Variants in PAPOLA observed in about 807,000 individuals in gnomAD.
PAPOLA encodes the protein poly(A) polymerase alpha.
A neutral mutation model predicts 100.6 loss-of-function variants in PAPOLA; 15 were observed. The ratio of observed to expected loss-of-function variants is 0.15; its 90% CI spans 0.10 to 0.23. The LOEUF (loss-of-function observed/expected upper bound fraction) is 0.23, where lower values mean the gene tolerates loss of function less well. PAPOLA is among the 10% of genes least tolerant of loss of function. The pLI is 1.00. For missense variants in PAPOLA, 533 were observed against 884.2 expected, an observed-to-expected ratio of 0.60 and a Z score of 5.04; for synonymous variants, 293 against 300.0, an observed-to-expected ratio of 0.98 and a Z score of 0.24.
At chr14:96,557,631 G>A (rs1204012868) in intron 19 of PAPOLA, among the ~76,000 whole-genome samples, 1 of 149,704 alleles carries the variant, frequency 6.7e-6, no homozygotes, top group Admixed American at 6.6e-5. Flanking sequence ...TTTCTTTAGA[G>A]TGGAAAAAAA....
At chr14:96,522,361 T>C (rs931946206) in intron 3 of PAPOLA, among the ~76,000 whole-genome samples, 1 of 151,898 alleles carries the variant, frequency 6.6e-6, no homozygotes, top group African/African-American at 2.4e-5. Context: ...TCAAGTGATC[T>C]GCCCACCTCG....
At chr14:96,526,727 G>A in intron 4 of PAPOLA, 3 of 152,478 alleles carry the variant, frequency 2.0e-5, no homozygotes. Context: ...CCATCACTCT[G>A]TCCCATTAGT....
At chr14:96,534,299 T>C in intron 9 of PAPOLA, 192 bp from the exon 10 acceptor site, 1 of 1,380,298 alleles carries the variant, frequency 7.2e-7, no homozygotes. Context: ...TACCAAATGG[T>C]TTAAGTTCAT....
intron 1 of PAPOLA, among the ~76,000 whole-genome samples, chr14:96,518,425 T>A (rs1334120011): frequency 6.6e-6 from 1 of 151,946 alleles, no homozygotes; most frequent in Non-Finnish European, 1.5e-5. Flanking sequence ...TTTTTTTTTT[T>A]TGAGACGGAG....
chr14:96,513,677 A>C (rs1897250267), intron 1 of PAPOLA, among the ~76,000 whole-genome samples: 1 of 152,136 alleles, frequency 6.6e-6, no homozygotes, highest in Non-Finnish European at 1.5e-5. Context: ...CACATATATT[A>C]AATTTTGTTT....
At position 96,520,048 on chromosome 14, in the gene PAPOLA, T is replaced by C; in HGVS notation, c.9-7T>C. 1 of 1,589,340 alleles carries C rather than the reference T, an allele frequency of 6.3e-7. No homozygotes were observed. The highest frequency in any genetic ancestry group is 8.5e-7 in the Non-Finnish European group (1 of 1,170,038). Reference sequence around the variant, plus strand: ...TTGGCAGTAATTGTATCCAATTTTGTTTATAGTCCAGTTACAACACAGGGA... The same window carrying C: ...TTGGCAGTAATTGTATCCAATTTTGCTTATAGTCCAGTTACAACACAGGGA... On this transcript the variant is annotated splice_region_variant and splice_polypyrimidine_tract_variant and intron_variant, in intron 1 of 21. Coordinates refer to ENST00000216277, the MANE Select transcript of PAPOLA (RefSeq NM_032632.5).
chr14:96,509,965 C>CTTTTTTTTTTTTTTTTTT (rs11372552), intron 1 of PAPOLA, among the ~76,000 whole-genome samples: 1 of 84,428 alleles, frequency 1.2e-5, no homozygotes, highest in African/African-American at 4.6e-5. Flanking sequence ...GTGGGAGTTG[C>CTTTTTTTTTTTTTTTTTT]TTTTTTTTTT....
chr14:96,529,136 T>A (rs756291149), intron 6 of PAPOLA, among the ~76,000 whole-genome samples: 2 of 152,192 alleles, frequency 1.3e-5, no homozygotes, highest in African/African-American at 2.4e-5. Context: ...TTTAGGAACA[T>A]AATATTTTAG....
At chr14:96,522,035 C>CAAGT (rs1438476418) in intron 3 of PAPOLA, among the ~76,000 whole-genome samples, 1 of 151,392 alleles carries the variant, frequency 6.6e-6, no homozygotes, top group Non-Finnish European at 1.5e-5. Flanking sequence ...CTCCTGACCT[C>CAAGT]AAGTGATCCA....
At chr14:96,506,974 C>T (rs965955338) in intron 1 of PAPOLA, among the ~76,000 whole-genome samples, 4 of 152,100 alleles carry the variant, frequency 2.6e-5, no homozygotes, top group Non-Finnish European at 1.5e-5. Flanking sequence ...ACTAAATACT[C>T]CTCTTTTCCA....
intron 1 of PAPOLA, among the ~76,000 whole-genome samples, chr14:96,513,971 A>G (rs1266352780): frequency 6.6e-6 from 1 of 151,946 alleles, no homozygotes; most frequent in East Asian, 1.9e-4. Flanking sequence ...CAGTGCCTTT[A>G]TGCTTTTTAA....
chr14:96,527,087 G>A (rs927322018), intron 4 of PAPOLA: 2 of 207,568 alleles, frequency 9.6e-6, no homozygotes, highest in African/African-American at 2.3e-5. Context: ...AACTATTTTT[G>A]TTTTACCAAT....
chr14:96,524,489 G>T (rs12586789), intron 3 of PAPOLA, among the ~76,000 whole-genome samples: 17,019 of 150,276 alleles, frequency 0.11, 1,044 homozygotes, highest in South Asian at 0.17. Context: ...TCCCCTTCCC[G>T]TTCCCCTTCC....
At chr14:96,507,402 C>T (rs1249369243) in intron 1 of PAPOLA, among the ~76,000 whole-genome samples, 4 of 148,026 alleles carry the variant, frequency 2.7e-5, no homozygotes, top group African/African-American at 1.0e-4. Context: ...ATTCTCCTGC[C>T]TCAGCCTCCC....
At chr14:96,515,403 ACT>A (rs1255039094) in intron 1 of PAPOLA, among the ~76,000 whole-genome samples, 1 of 152,216 alleles carries the variant, frequency 6.6e-6, no homozygotes, top group South Asian at 2.1e-4. Context: ...TTTATGTGTA[ACT>A]CTGATCCAGA....
At chr14:96,563,656 C>G (rs942000829) in intron 21 of PAPOLA, among the ~76,000 whole-genome samples, 1 of 152,010 alleles carries the variant, frequency 6.6e-6, no homozygotes, top group East Asian at 1.9e-4. Flanking sequence ...TGTGCAGCTC[C>G]GAGTTATTTT....
At chr14:96,510,810 T>C (rs1897064826) in intron 1 of PAPOLA, among the ~76,000 whole-genome samples, 1 of 152,210 alleles carries the variant, frequency 6.6e-6, no homozygotes, top group Non-Finnish European at 1.5e-5. Flanking sequence ...TAACCATCGT[T>C]TTAATTTCTT....
intron 12 of PAPOLA, chr14:96,542,018 G>C (rs934886671): frequency 3.4e-5 from 11 of 325,316 alleles, no homozygotes; most frequent in Non-Finnish European, 5.1e-5. Context: ...GCTGCTTTTT[G>C]GTAATTATTC....
At chr14:96,535,463 C>T (rs1899438070) in intron 10 of PAPOLA, 2 of 984,722 alleles carry the variant, frequency 2.0e-6, no homozygotes, top group Non-Finnish European at 2.4e-6. Context: ...TTAATAGTTT[C>T]AGGGTATATT....
Sources: gnomAD v4.1 joint callset for allele counts (sites outside exome capture counted in the v4.1 genomes callset) on GRCh38, gnomAD v4.1.1 for gene constraint, MANE v1.5 for transcripts, NCBI Gene and HGNC (gene_info 2026-07-23, HGNC 2026-07-21) for gene names.